Variants in AMPH observed in about 807,000 individuals in gnomAD.
AMPH encodes amphiphysin (Stiff-Mann syndrome with breast cancer 128kD autoantigen).
In AMPH, 49 loss-of-function variants were observed where a neutral mutation model predicts 99.1. The ratio of observed to expected loss-of-function variants is 0.49; its 90% CI spans 0.39 to 0.63. The LOEUF is 0.63. Among genes scored for constraint, AMPH ranks in the 20% least tolerant of loss-of-function variants. The pLI, the probability that AMPH is intolerant of heterozygous loss-of-function variation, is 0.00. For missense variants in AMPH, 759 were observed against 863.4 expected (o/e 0.88, Z 1.52); for synonymous variants, 314 against 317.3 (o/e 0.99, Z 0.11).
intron 1 of AMPH, among the ~76,000 whole-genome samples, chr7:38,589,329 C>A (rs759258731): frequency 4.6e-5 from 7 of 152,200 alleles, no homozygotes; most frequent in Non-Finnish European, 8.8e-5. Context: ...CACACCATCA[C>A]TTACCCATCT....
Position 38,587,572 on chromosome 7 carries a change from CA to C in AMPH, c.69+43710del, listed in dbSNP as rs1309229527. Among the ~76,000 whole-genome samples, 4 of 152,228 alleles carry C rather than the reference CA, an allele frequency of 2.6e-5. No individual in the cohort carries two copies. In the East Asian group the frequency reaches 7.7e-4, roughly 29 times the overall value. Reference sequence around the variant, plus strand: ...ACTATGTTATAACCTAAGATATTCACAGGGGGCTGGGAAATGCAAAGGTAAG... The same window carrying C: ...ACTATGTTATAACCTAAGATATTCACGGGGGCTGGGAAATGCAAAGGTAAG... On this transcript the variant is annotated intron_variant, in intron 1 of 20. Coordinates refer to ENST00000356264, the MANE Select transcript of AMPH (RefSeq NM_001635.4).
intron 14 of AMPH, chr7:38,429,094 C>T (rs768976826): frequency 1.5e-6 from 2 of 1,290,366 alleles, no homozygotes; most frequent in South Asian, 1.2e-5. Flanking sequence ...AGAGAATCTT[C>T]CATCTTCTGT....
At chr7:38,605,206 CAA>C (rs1272074770) in intron 1 of AMPH, among the ~76,000 whole-genome samples, 2 of 151,334 alleles carry the variant, frequency 1.3e-5, no homozygotes, top group Non-Finnish European at 2.9e-5. Flanking sequence ...GAGAAGGGGA[CAA>C]GAGAGGAAAG....
intron 1 of AMPH, among the ~76,000 whole-genome samples, chr7:38,573,206 C>T (rs1053767437): frequency 2.0e-5 from 3 of 152,154 alleles, no homozygotes; most frequent in African/African-American, 7.2e-5. Flanking sequence ...GCTCGGGCTT[C>T]CCATGTCACA....
intron 7 of AMPH, among the ~76,000 whole-genome samples, chr7:38,470,568 G>A (rs1198042979): frequency 6.6e-6 from 1 of 151,972 alleles, no homozygotes; most frequent in African/African-American, 2.4e-5. Context: ...CTTTTCCACA[G>A]TCCCCTCTTC....
chr7:38,599,417 C>A (rs188890613), intron 1 of AMPH, among the ~76,000 whole-genome samples: 1 of 152,328 alleles, frequency 6.6e-6, no homozygotes, highest in East Asian at 1.9e-4. Flanking sequence ...AATATATTTT[C>A]TCTTCCTTAC....
Position 38,422,478 on chromosome 7 carries a change from C to A in AMPH, c.1216-1G>T. 6.2e-7 allele frequency: 1 copy of A among 1,611,592 alleles called. No individual in the cohort carries two copies. The highest frequency in any genetic ancestry group is 1.7e-5 in the Admixed American group (1 of 59,910). ...TTGTGAATAATGAAGTATCCTGGGG[C>A]TGAAAATCAAGGATAAAAATAGAAG... On this transcript the variant is annotated splice_acceptor_variant, in intron 15 of 20. Transcript: ENST00000356264. LOFTEE classifies it high-confidence loss of function.
chr7:38,551,729 A>C (rs968508557), intron 1 of AMPH, among the ~76,000 whole-genome samples: 3 of 152,168 alleles, frequency 2.0e-5, no homozygotes, highest in Non-Finnish European at 4.4e-5. Context: ...AAGAGGAGAG[A>C]GGAAAAGAGA....
At chr7:38,530,039 A>T (rs1790336071) in intron 2 of AMPH, among the ~76,000 whole-genome samples, 1 of 152,236 alleles carries the variant, frequency 6.6e-6, no homozygotes, top group South Asian at 2.1e-4. Flanking sequence ...GCAAAAATAC[A>T]TACCATATAC....
chr7:38,397,465 G>A (rs1364412654), intron 17 of AMPH, among the ~76,000 whole-genome samples: 1 of 152,080 alleles, frequency 6.6e-6, no homozygotes, highest in South Asian at 2.1e-4. Flanking sequence ...AATTTAAGCA[G>A]GCAACGAAAC....
intron 1 of AMPH, among the ~76,000 whole-genome samples, chr7:38,588,734 A>G (rs1337317110): frequency 6.6e-6 from 1 of 152,178 alleles, no homozygotes; most frequent in Non-Finnish European, 1.5e-5. Context: ...GGGGGAAAAA[A>G]CAGATATTTT....
chr7:38,515,536 G>A (rs117869120), intron 2 of AMPH, among the ~76,000 whole-genome samples: 1,939 of 152,290 alleles, frequency 0.013, 23 homozygotes, highest in Non-Finnish European at 0.017. Context: ...CTGTGGAACT[G>A]TGAACCAATT....
At chr7:38,391,380 C>T (rs1263939527) in intron 19 of AMPH, among the ~76,000 whole-genome samples, 2 of 152,160 alleles carry the variant, frequency 1.3e-5, no homozygotes, top group Admixed American at 6.5e-5. Flanking sequence ...GATTGCTGCC[C>T]GACCCCCAGG....
At position 38,475,424 on chromosome 7, in the gene AMPH, T is replaced by C. The variant is rs201850332; in HGVS notation, c.505-8A>G. 9.4e-5 allele frequency: 150 copies of C among 1,602,494 alleles called. 1 individual carries two copies. The African/African-American group carries it at 1.8e-3, about 19-fold the overall frequency. On this transcript the variant is annotated splice_polypyrimidine_tract_variant and splice_region_variant and intron_variant, in intron 6 of 20. Coordinates refer to ENST00000356264, the MANE Select transcript of AMPH (RefSeq NM_001635.4). Reference sequence around the variant, plus strand: ...CTGAAATTCTTCTTCTGCCTAGGAATGAAACATAACATGTGTTTACACTAA... The same window carrying C: ...CTGAAATTCTTCTTCTGCCTAGGAACGAAACATAACATGTGTTTACACTAA...
At chr7:38,608,136 C>T (rs1204524326) in intron 1 of AMPH, among the ~76,000 whole-genome samples, 1 of 152,164 alleles carries the variant, frequency 6.6e-6, no homozygotes, top group Non-Finnish European at 1.5e-5. Context: ...CCACGCCTGG[C>T]CCTTCAGAGA....
At chr7:38,606,245 T>C (rs2129063283) in intron 1 of AMPH, among the ~76,000 whole-genome samples, 1 of 152,320 alleles carries the variant, frequency 6.6e-6, no homozygotes, top group Non-Finnish European at 1.5e-5. Flanking sequence ...TTCACCATTG[T>C]AACCCTTTTT....
Position 38,599,428 on chromosome 7 carries a change from G to A in AMPH, c.69+31855C>T, listed in dbSNP as rs1456002879. ...AGTAAATATATTTTCTCTTCCTTAC[G>A]GTTTTCTTAACATTTTCTTTTCACT... On this transcript the variant is annotated intron_variant, in intron 1 of 20. Transcript: ENST00000356264. 3.3e-5 allele frequency among the ~76,000 whole-genome samples: 5 copies of A among 152,040 alleles called. No individual in the cohort carries two copies. In the East Asian group the frequency reaches 5.8e-4, roughly 18 times the overall value.
chr7:38,628,658 T>C (rs776007067), intron 1 of AMPH, among the ~76,000 whole-genome samples: 1 of 152,228 alleles, frequency 6.6e-6, no homozygotes, highest in Non-Finnish European at 1.5e-5. Context: ...GTTTTGGTTG[T>C]ATAAATACAT....
rs191249431 is a variant in AMPH at position 38,391,725 on chromosome 7, T to A, written c.1878+23A>T. The A allele has an allele frequency of 2.8e-3, 4,446 of 1,603,752 alleles. 16 individuals carry two copies. Among genetic ancestry groups the A allele is most frequent in the South Asian group, 3.9e-3 (349 of 89,198 alleles). ...GGCCTTAAAGCAAAAAAAGGATAAA[T>A]GAGACTTAAAAAATAAGAATACCTT... is the stretch of plus-strand genomic sequence containing the variant. On this transcript the variant is annotated intron_variant, in intron 19 of 20. Coordinates refer to ENST00000356264, the MANE Select transcript of AMPH (RefSeq NM_001635.4).
Sources: gnomAD v4.1 joint callset for allele counts (sites outside exome capture counted in the v4.1 genomes callset) on GRCh38, gnomAD v4.1.1 for gene constraint, MANE v1.5 for transcripts, NCBI Gene and HGNC (gene_info 2026-07-23, HGNC 2026-07-21) for gene names.